CSMD1: variants seen among roughly 807,000 people sequenced by gnomAD.
The protein encoded by CSMD1 is CUB and sushi domain-containing protein 1.
Under a neutral mutation model 417.5 loss-of-function variants are expected in CSMD1, and 213 were observed. The ratio of observed to expected loss-of-function variants is 0.51; its 90% CI spans 0.46 to 0.57. The LOEUF is 0.57. Ranked by LOEUF, CSMD1 falls within the 20% of genes least tolerant of loss-of-function variation. The probability of loss-of-function intolerance (pLI) is 0.00; values close to 1 mark genes in which losing one functional copy is unlikely to be tolerated. For missense variants in CSMD1, 6,923 were observed against 4,529.7 expected (o/e 1.53, Z -15.17); for synonymous variants, 2,862 against 1,736.8 (o/e 1.65, Z -16.11).
intron 36 of CSMD1, among the ~76,000 whole-genome samples, chr8:3,182,815 G>GGACTCTGGCTGA (rs139242816): frequency 0.27 from 26,370 of 97,218 alleles, 4,439 homozygotes; most frequent in Middle Eastern, 0.39. Context: ...TGGTCTCGGG[G>GGACTCTGGCTGA]GACTCTGGCT....
intron 26 of CSMD1, among the ~76,000 whole-genome samples, chr8:3,261,967 C>G (rs960580611): frequency 6.6e-6 from 1 of 151,696 alleles, no homozygotes; most frequent in Non-Finnish European, 1.5e-5. Context: ...TGATAGTGAA[C>G]TCTAGTTCTA....
intron 3 of CSMD1, among the ~76,000 whole-genome samples, chr8:4,397,223 C>T (rs1163248513): frequency 6.6e-6 from 1 of 151,934 alleles, no homozygotes; most frequent in Non-Finnish European, 1.5e-5. Context: ...AGAACAGCTC[C>T]CTTCTGTTTA....
intron 3 of CSMD1, among the ~76,000 whole-genome samples, chr8:4,046,463 G>T (rs1367646499): frequency 6.6e-6 from 1 of 152,138 alleles, no homozygotes; most frequent in South Asian, 2.1e-4. Context: ...AACAGCTCAA[G>T]CTTCATGAAA....
intron 2 of CSMD1, among the ~76,000 whole-genome samples, chr8:4,462,875 TAG>T (rs1248620025): frequency 6.6e-6 from 1 of 152,050 alleles, no homozygotes; most frequent in East Asian, 1.9e-4. Flanking sequence ...GAAGAAAATA[TAG>T]GAGTAAATCT....
At chr8:3,055,133 G>A (rs76384583) in intron 49 of CSMD1, among the ~76,000 whole-genome samples, 10 of 152,048 alleles carry the variant, frequency 6.6e-5, no homozygotes, top group South Asian at 4.1e-4. Context: ...TTTTTCTATC[G>A]GACGAAATGG....
chr8:4,921,101 G>GA lies in CSMD1; in HGVS notation c.85+73230dup, dbSNP rs1297607891. ...AAAAGAAAGAAAGAAAAAGAAAAAAGAAGAAAGAAAGAAAGAAAAGAAAAG... is the reference window on the plus strand; with the variant it reads ...AAAAGAAAGAAAGAAAAAGAAAAAAGAAAGAAAGAAAGAAAGAAAAGAAAAG... On this transcript the variant is annotated intron_variant, in intron 1 of 69. Coordinates refer to ENST00000635120, the MANE Select transcript of CSMD1 (RefSeq NM_033225.6). Among the ~76,000 whole-genome samples the GA allele has an allele frequency of 6.0e-3, 901 of 150,650 alleles. 8 individuals carry two copies. The highest frequency in any genetic ancestry group is 0.019 in the African/African-American group (775 of 40,964).
At chr8:2,938,778 T>A in intron 69 of CSMD1, 34 bp from the exon 70 acceptor site, 1 of 1,559,712 alleles carries the variant, frequency 6.4e-7, no homozygotes, top group South Asian at 1.2e-5. Context: ...ATTAGAATCC[T>A]GGTTTCATTT....
At chr8:3,111,283 C>G (rs184306089) in intron 42 of CSMD1, among the ~76,000 whole-genome samples, 16 of 152,322 alleles carry the variant, frequency 1.1e-4, no homozygotes, top group Admixed American at 2.6e-4. Flanking sequence ...CACTGTTGAA[C>G]TGCACAGATG....
At chr8:4,195,163 A>G (rs1325204614) in intron 3 of CSMD1, among the ~76,000 whole-genome samples, 1 of 152,226 alleles carries the variant, frequency 6.6e-6, no homozygotes, top group Non-Finnish European at 1.5e-5. Context: ...TATCCAGAAC[A>G]TGTGTGTACA....
intron 3 of CSMD1, among the ~76,000 whole-genome samples, chr8:4,266,025 G>T (rs1383803137): frequency 9.6e-6 from 1 of 103,638 alleles, no homozygotes; most frequent in African/African-American, 2.6e-5. Context: ...CCGGCCCACC[G>T]CACTCAGGCT....
At chr8:4,802,506 G>T (rs554504135) in intron 1 of CSMD1, among the ~76,000 whole-genome samples, 1 of 152,176 alleles carries the variant, frequency 6.6e-6, no homozygotes, top group South Asian at 2.1e-4. Flanking sequence ...CACCACTTAA[G>T]AAAAGACAGA....
intron 3 of CSMD1, among the ~76,000 whole-genome samples, chr8:4,080,786 C>A (rs1220888314): frequency 6.6e-6 from 1 of 151,996 alleles, no homozygotes; most frequent in East Asian, 1.9e-4. Flanking sequence ...ATTACCACAC[C>A]CCTCTCTAAG....
intron 12 of CSMD1, among the ~76,000 whole-genome samples, chr8:3,418,815 A>C (rs34510884): frequency 0.019 from 2,853 of 152,300 alleles, 55 homozygotes; most frequent in East Asian, 0.096. Context: ...AGGAAGAATG[A>C]GTCATTTTAA....
rs1298524531 is a variant in CSMD1, at chr8:4,146,157, T to C, written c.416-114058A>G. 2.0e-5 allele frequency among the ~76,000 whole-genome samples: 3 copies of C among 150,684 alleles called. 1 individual carries two copies. Among genetic ancestry groups the C allele is most frequent in the African/African-American group, 5.0e-5 (2 of 40,128 alleles). On this transcript the variant is annotated intron_variant, in intron 3 of 69. Coordinates refer to ENST00000635120, the MANE Select transcript of CSMD1 (RefSeq NM_033225.6). Reference sequence around the variant, plus strand: ...CCTACATATGATGGGTGACATATAATCCAGCCTCATACTCCGCTGGCCAAG... The same window carrying C: ...CCTACATATGATGGGTGACATATAACCCAGCCTCATACTCCGCTGGCCAAG...
chr8:3,309,752 C>G (rs1805182312), intron 23 of CSMD1, among the ~76,000 whole-genome samples: 1 of 152,176 alleles, frequency 6.6e-6, no homozygotes, highest in Non-Finnish European at 1.5e-5. Context: ...GCTACATCCT[C>G]CTGTCAATGT....
intron 3 of CSMD1, among the ~76,000 whole-genome samples, chr8:4,373,003 CAGCT>C (rs1337626461): frequency 6.6e-6 from 1 of 152,202 alleles, no homozygotes; most frequent in African/African-American, 2.4e-5. Context: ...GGACAGCCCT[CAGCT>C]AGCATCAGCA....
chr8:3,644,915 C>T (rs899762278), intron 7 of CSMD1, among the ~76,000 whole-genome samples: 1 of 146,388 alleles, frequency 6.8e-6, no homozygotes, highest in African/African-American at 2.7e-5. Context: ...GGTAGAATTG[C>T]CCACATTTTC....
intron 1 of CSMD1, among the ~76,000 whole-genome samples, chr8:4,662,956 G>C (rs998283141): frequency 6.6e-6 from 1 of 152,172 alleles, no homozygotes; most frequent in African/African-American, 2.4e-5. Context: ...TACTCTTAAG[G>C]AATGTTCTTC....
intron 2 of CSMD1, among the ~76,000 whole-genome samples, chr8:4,578,614 A>G (rs1799255490): frequency 6.6e-6 from 1 of 151,380 alleles, no homozygotes; most frequent in Non-Finnish European, 1.5e-5. Flanking sequence ...CAGGAGTTCA[A>G]GATCAGCCTG....
Sources: allele counts gnomAD v4.1 joint callset (sites outside exome capture counted in the v4.1 genomes callset), GRCh38; gene constraint gnomAD v4.1.1; transcripts MANE v1.5; gene names NCBI Gene and HGNC (gene_info 2026-07-23, HGNC 2026-07-21).